Variants in ATAD1 observed in about 807,000 individuals in gnomAD.
ATAD1 encodes the protein outer mitochondrial transmembrane helix translocase.
A neutral mutation model predicts 42.7 loss-of-function variants in ATAD1; 18 were observed. That is an observed-to-expected ratio of 0.42 (90% CI 0.29 to 0.63). The LOEUF (loss-of-function observed/expected upper bound fraction) is 0.63. Among genes scored for constraint, ATAD1 ranks in the 20% least tolerant of loss-of-function variants. The pLI is 0.19. For synonymous variants in ATAD1, 132 were observed against 143.1 expected (o/e 0.92, Z 0.55); for missense variants, 294 against 440.4 (o/e 0.67, Z 2.98).
Position 87,818,040 on chromosome 10 carries a change from G to C in ATAD1, c.-14+127C>G, listed in dbSNP as rs1261405644. 4.8e-5 allele frequency: 47 copies of C among 985,772 alleles called. 1 individual carries two copies. The South Asian group carries it at 1.9e-3, about 40-fold the overall frequency. The allele number at this position is 985,772 out of a possible 1,614,324, so 61.1% of individuals were successfully genotyped here. The stretch of plus-strand genomic sequence containing the variant: ...GCGGGGCGCTTGGGGGCGGCACTGA[G>C]GTAGGGCGTGGGAGAAGACCGGGGT... On this transcript the variant is annotated intron_variant, in intron 1 of 9. Coordinates refer to ENST00000680024, the MANE Select transcript of ATAD1 (RefSeq NM_001321967.2).
At position 87,751,760 on chromosome 10, in the gene ATAD1, CTG is replaced by C. The variant is rs1348941767; in HGVS notation, c.*2925_*2926del. On this transcript the variant is annotated 3_prime_UTR_variant, in exon 10 of 10. Coordinates refer to ENST00000680024, the MANE Select transcript of ATAD1 (RefSeq NM_001321967.2). The stretch of plus-strand genomic sequence containing the variant: ...CTTCATTTGAAGCACCCAGTTGGTG[CTG>C]GAGTTTCAGCCATGCACTATATATA... 6.6e-6 allele frequency: 1 copy of C among 152,132 alleles called. No homozygotes were observed. The highest frequency in any genetic ancestry group is 2.4e-5 in the African/African-American group (1 of 41,426). 9.4% of individuals were successfully genotyped at this position (152,132 alleles called of 1,614,324 possible).
chr10:87,818,291 C>T (rs1012903405), upstream of ATAD1: 2 of 983,590 alleles, frequency 2.0e-6, no homozygotes, highest in Non-Finnish European at 2.4e-6. Flanking sequence ...CATGCGCGAC[C>T]CGCGGTCGCC....
intron 1 of ATAD1, among the ~76,000 whole-genome samples, chr10:87,837,178 G>C (rs1471439738): frequency 6.6e-6 from 1 of 152,116 alleles, no homozygotes; most frequent in African/African-American, 2.4e-5. Flanking sequence ...GGTGAGCTGA[G>C]ATTTTCCTGG....
At chr10:87,801,533 T>G (rs1478596130) in intron 2 of ATAD1, among the ~76,000 whole-genome samples, 4 of 90,762 alleles carry the variant, frequency 4.4e-5, no homozygotes, top group African/African-American at 1.8e-4. Context: ...ATAATTCTGA[T>G]ATGACTTAAT....
intron 1 of ATAD1, among the ~76,000 whole-genome samples, chr10:87,836,695 T>C (rs939138845): frequency 2.6e-5 from 4 of 152,222 alleles, no homozygotes; most frequent in East Asian, 1.9e-4. Flanking sequence ...TCTGAGTTTC[T>C]TGAATCTGTA....
intron 1 of ATAD1, among the ~76,000 whole-genome samples, chr10:87,840,375 A>G (rs1858009737): frequency 6.6e-6 from 1 of 152,140 alleles, no homozygotes; most frequent in Non-Finnish European, 1.5e-5. Flanking sequence ...AGTCCTAGCT[A>G]CTTGAAGGCT....
At chr10:87,783,611 A>C (rs893142844) in intron 5 of ATAD1, among the ~76,000 whole-genome samples, 1 of 151,572 alleles carries the variant, frequency 6.6e-6, no homozygotes, top group African/African-American at 2.4e-5. Flanking sequence ...AGCTATATAA[A>C]TATATATCCA....
intron 1 of ATAD1, among the ~76,000 whole-genome samples, chr10:87,815,704 T>A (rs1320797905): frequency 2.0e-5 from 3 of 152,020 alleles, no homozygotes; most frequent in Non-Finnish European, 2.9e-5. Context: ...CAAAAATTTT[T>A]TATTTCCTTT....
chr10:87,782,824 T>TC (rs911288984), intron 5 of ATAD1, among the ~76,000 whole-genome samples: 18 of 151,958 alleles, frequency 1.2e-4, no homozygotes, highest in African/African-American at 3.6e-4. Context: ...TAGTGAGACT[T>TC]CGTCTCTACA....
intron 4 of ATAD1, among the ~76,000 whole-genome samples, chr10:87,789,972 G>A (rs1169585367): frequency 6.6e-6 from 1 of 152,030 alleles, no homozygotes; most frequent in African/African-American, 2.4e-5. Context: ...AGAAAAAAAT[G>A]TCTTGGCTTG....
intron 8 of ATAD1, among the ~76,000 whole-genome samples, chr10:87,761,310 A>G (rs1189598304): frequency 1.3e-5 from 2 of 152,208 alleles, no homozygotes; most frequent in African/African-American, 4.8e-5. Flanking sequence ...GTATTTTGCA[A>G]CATAAAACTG....
chr10:87,808,597 G>C (rs1857038385), intron 2 of ATAD1, among the ~76,000 whole-genome samples: 1 of 152,086 alleles, frequency 6.6e-6, no homozygotes, highest in South Asian at 2.1e-4. Context: ...ACTATCTTCT[G>C]TTCCCATTTT....
rs531692564 is a variant in ATAD1 at position 87,811,264 on chromosome 10, A to G, written c.162+3174T>C. Reference sequence around the variant, plus strand: ...AGGAGAATCACTTGAACCCGGAAGAAGCAGGGTACAGCGAGCTGAGATTGT... The same window carrying G: ...AGGAGAATCACTTGAACCCGGAAGAGGCAGGGTACAGCGAGCTGAGATTGT... On this transcript the variant is annotated intron_variant, in intron 2 of 9. Transcript: ENST00000680024. Among the ~76,000 whole-genome samples, 4 of 152,212 alleles carry G rather than the reference A, an allele frequency of 2.6e-5. No individual in the cohort carries two copies. The East Asian group carries it at 7.7e-4, about 29-fold the overall frequency.
chr10:87,789,903 A>G (rs1485237822), intron 4 of ATAD1, among the ~76,000 whole-genome samples: 2 of 152,200 alleles, frequency 1.3e-5, no homozygotes, highest in African/African-American at 2.4e-5. Flanking sequence ...CTGCAGATAA[A>G]TATTTCCTGA....
At chr10:87,755,860 C>T (rs1854197843) in intron 9 of ATAD1, among the ~76,000 whole-genome samples, 2 of 152,218 alleles carry the variant, frequency 1.3e-5, no homozygotes, top group Admixed American at 6.5e-5. Flanking sequence ...CGAGATCACA[C>T]CACTTCACTC....
At chr10:87,806,961 G>T (rs1468302486) in intron 2 of ATAD1, among the ~76,000 whole-genome samples, 1 of 152,060 alleles carries the variant, frequency 6.6e-6, no homozygotes, top group Non-Finnish European at 1.5e-5. Context: ...TGCCCCTAGA[G>T]ACTCCTTTTC....
chr10:87,754,376 A>C lies in ATAD1; in HGVS notation c.*311T>G. 5.6e-6 allele frequency: 1 copy of C among 177,924 alleles called. No homozygotes were observed. The highest frequency in any genetic ancestry group is 1.2e-5 in the Non-Finnish European group (1 of 83,824). 11.0% of individuals were successfully genotyped at this position (177,924 alleles called of 1,614,324 possible). ...CCTAACCACATCCCCGTTTCTCACT[A>C]ATGACCCAATGAATCATTTATGACT... On this transcript the variant is annotated 3_prime_UTR_variant, in exon 10 of 10. Transcript: ENST00000680024.
rs370894420 is a variant in ATAD1 at position 87,790,454 on chromosome 10, G to A, written c.262-24C>T. ...ACCTGGCAAAAGTTAAGGTCAACAT[G>A]AATTTTACTACAAATGTACACTCAC... On this transcript the variant is annotated intron_variant, in intron 3 of 9. Transcript: ENST00000680024. 58 of 1,580,554 alleles carry A rather than the reference G, an allele frequency of 3.7e-5. No homozygotes were observed. In the African/African-American group the frequency reaches 7.0e-4, roughly 19 times the overall value.
intron 4 of ATAD1, among the ~76,000 whole-genome samples, chr10:87,786,222 C>A (rs1855826116): frequency 6.6e-6 from 1 of 152,166 alleles, no homozygotes; most frequent in Admixed American, 6.5e-5. Flanking sequence ...ACTTAAATCT[C>A]TGGGTTTTTA....
Sources: allele counts gnomAD v4.1 joint callset (sites outside exome capture counted in the v4.1 genomes callset), GRCh38; gene constraint gnomAD v4.1.1; transcripts MANE v1.5; gene names NCBI Gene and HGNC (gene_info 2026-07-23, HGNC 2026-07-21).